Variants in PPM1E observed in about 807,000 individuals in gnomAD.
PPM1E encodes protein phosphatase, Mg2+/Mn2+ dependent 1E.
PPM1E carries 20 observed loss-of-function variants against 65.9 expected under a neutral mutation model. The observed-to-expected ratio is 0.30, with a 90% confidence interval of 0.21 to 0.44. The LOEUF (loss-of-function observed/expected upper bound fraction) is 0.44. Among genes scored for constraint, PPM1E ranks in the 20% least tolerant of loss-of-function variants. PPM1E has a pLI of 1.00. For synonymous variants in PPM1E, 352 were observed against 374.9 expected (o/e 0.94, Z 0.70); for missense variants, 713 against 953.1 (o/e 0.75, Z 3.32).
At chr17:58,817,933 A>G (rs562006279) in intron 1 of PPM1E, among the ~76,000 whole-genome samples, 10 of 152,166 alleles carry the variant, frequency 6.6e-5, no homozygotes, top group Admixed American at 1.3e-4. Context: ...TTGTATTTTT[A>G]GTAGAGACGG....
At chr17:58,801,091 C>T (rs1345300263) in intron 1 of PPM1E, among the ~76,000 whole-genome samples, 1 of 151,962 alleles carries the variant, frequency 6.6e-6, no homozygotes, top group Non-Finnish European at 1.5e-5. Context: ...TATATTCTAT[C>T]TTGGTGAACA....
intron 1 of PPM1E, among the ~76,000 whole-genome samples, chr17:58,798,156 C>G (rs2050222985): frequency 6.6e-6 from 1 of 151,490 alleles, no homozygotes; most frequent in African/African-American, 2.4e-5. Flanking sequence ...GTTCCTAACA[C>G]ATTCTGAATA....
chr17:58,825,019 G>A (rs1012273149), intron 1 of PPM1E, among the ~76,000 whole-genome samples: 1 of 151,910 alleles, frequency 6.6e-6, no homozygotes, highest in African/African-American at 2.4e-5. Context: ...TGGAAACTTG[G>A]GGGGAAGAGT....
At chr17:58,768,388 G>A (rs761937049) in intron 1 of PPM1E, among the ~76,000 whole-genome samples, 172 of 152,128 alleles carry the variant, frequency 1.1e-3, no homozygotes, top group Non-Finnish European at 2.2e-3. Context: ...CCCTTACCCT[G>A]ATTCTCTAAA....
rs1341289870 is a variant in PPM1E at position 58,805,974 on chromosome 17, CAAAAAA to C, written c.464+49518_464+49523del. The stretch of plus-strand genomic sequence containing the variant: ...TAAAAAAAAAAACAAAAAAAAAAAA[CAAAAAA>C]AAAACAAAACAAAACAAAACAAAAA... On this transcript the variant is annotated intron_variant, in intron 1 of 6. Transcript: ENST00000308249. 4.4e-3 allele frequency among the ~76,000 whole-genome samples: 322 copies of C among 73,976 alleles called. 3 individuals carry two copies. The highest frequency in any genetic ancestry group is 8.2e-3 in the Middle Eastern group (1 of 122). 48.5% of individuals were successfully genotyped at this position (73,976 alleles called of 152,430 possible). A position where few individuals can be genotyped will look rare whatever the true frequency, so the allele number is the denominator to read the frequency against.
intron 1 of PPM1E, among the ~76,000 whole-genome samples, chr17:58,865,788 A>C (rs1406693120): frequency 6.6e-6 from 1 of 152,230 alleles, no homozygotes; most frequent in Non-Finnish European, 1.5e-5. Flanking sequence ...TTGATTAGCT[A>C]TTCTATTGTG....
chr17:58,784,136 C>T (rs2050075401), intron 1 of PPM1E, among the ~76,000 whole-genome samples: 1 of 151,930 alleles, frequency 6.6e-6, no homozygotes, highest in African/African-American at 2.4e-5. Context: ...AATTCTCCCA[C>T]CTTAGCCTCC....
At chr17:58,946,515 C>T (rs1017324861) in intron 1 of PPM1E, among the ~76,000 whole-genome samples, 2 of 152,050 alleles carry the variant, frequency 1.3e-5, no homozygotes, top group Non-Finnish European at 2.9e-5. Context: ...TGGAATATAA[C>T]GATGATTATG....
chr17:58,845,484 C>T lies in PPM1E; in HGVS notation c.464+89023C>T, dbSNP rs565402380. ...AAATTGAAACTTTCTATCCATTAAA[C>T]AGTAACTTCTCATTCCTTCCTCCTC... On this transcript the variant is annotated intron_variant, in intron 1 of 6. Coordinates refer to ENST00000308249, the MANE Select transcript of PPM1E (RefSeq NM_014906.5). Among the ~76,000 whole-genome samples, 6 of 152,202 alleles carry T rather than the reference C, an allele frequency of 3.9e-5. No individual in the cohort carries two copies. The South Asian group carries it at 1.2e-3, about 32-fold the overall frequency.
chr17:58,849,964 T>C (rs553021369), intron 1 of PPM1E, among the ~76,000 whole-genome samples: 23 of 152,352 alleles, frequency 1.5e-4, no homozygotes, highest in African/African-American at 5.5e-4. Context: ...TGGGTGCTTC[T>C]GTATTGGGTG....
intron 1 of PPM1E, among the ~76,000 whole-genome samples, chr17:58,812,303 C>CAA (rs35132799): frequency 0.029 from 1,452 of 49,788 alleles, 128 homozygotes; most frequent in South Asian, 0.057. Context: ...GACTCTGTTT[C>CAA]AAAAAAAAAA....
intron 1 of PPM1E, among the ~76,000 whole-genome samples, chr17:58,850,251 T>TA (rs1398453577): frequency 6.6e-6 from 1 of 152,240 alleles, no homozygotes; most frequent in African/African-American, 2.4e-5. Context: ...CTGTGTCTTT[T>TA]AATTGGAGCA....
chr17:58,881,447 A>C (rs572663907), intron 1 of PPM1E, among the ~76,000 whole-genome samples: 1 of 152,104 alleles, frequency 6.6e-6, no homozygotes, highest in East Asian at 1.9e-4. Context: ...GTGGATCACA[A>C]GGTCAGGAGT....
intron 1 of PPM1E, among the ~76,000 whole-genome samples, chr17:58,918,490 A>G (rs1171360371): frequency 6.6e-6 from 1 of 152,168 alleles, no homozygotes; most frequent in African/African-American, 2.4e-5. Flanking sequence ...TTTACCTACC[A>G]TAAACTCCCA....
intron 1 of PPM1E, among the ~76,000 whole-genome samples, chr17:58,761,633 CCCAACACAAT>C (rs1447645346): frequency 6.6e-6 from 1 of 152,146 alleles, no homozygotes; most frequent in Non-Finnish European, 1.5e-5. Context: ...AATAGCCACT[CCCAACACAAT>C]CCAATTTCTT....
At chr17:58,938,492 ATATG>A (rs2052016652) in intron 1 of PPM1E, among the ~76,000 whole-genome samples, 2 of 152,150 alleles carry the variant, frequency 1.3e-5, no homozygotes, top group African/African-American at 4.8e-5. Flanking sequence ...CTTCATATAT[ATATG>A]TTTTTATCTT....
At chr17:58,956,116 T>C (rs996448179) in intron 2 of PPM1E, among the ~76,000 whole-genome samples, 2 of 152,110 alleles carry the variant, frequency 1.3e-5, no homozygotes, top group Non-Finnish European at 2.9e-5. Flanking sequence ...GAGCAAAACC[T>C]ATTTGAAATG....
chr17:58,763,551 C>G (rs995064865), intron 1 of PPM1E, among the ~76,000 whole-genome samples: 2 of 152,048 alleles, frequency 1.3e-5, no homozygotes, highest in African/African-American at 4.8e-5. Flanking sequence ...GGCTCCTGCC[C>G]TACAGATAAT....
intron 1 of PPM1E, among the ~76,000 whole-genome samples, chr17:58,893,527 A>T (rs1056098650): frequency 6.6e-6 from 1 of 152,182 alleles, no homozygotes; most frequent in South Asian, 2.1e-4. Context: ...ATAAAGATGG[A>T]TATATGTTAT....
Sources: gnomAD v4.1 joint callset for allele counts (sites outside exome capture counted in the v4.1 genomes callset) on GRCh38, gnomAD v4.1.1 for gene constraint, MANE v1.5 for transcripts, NCBI Gene and HGNC (gene_info 2026-07-23, HGNC 2026-07-21) for gene names.